The following IQCM variants were observed in gnomAD, a reference collection of about 807,000 sequenced individuals.
The protein encoded by IQCM is IQ domain-containing protein M.
In IQCM, 45 loss-of-function variants were observed where a neutral mutation model predicts 57.6. The ratio of observed to expected loss-of-function variants is 0.78; its 90% CI spans 0.62 to 1.00. The LOEUF (loss-of-function observed/expected upper bound fraction) is 1.00, where lower values mean the gene tolerates loss of function less well. Among genes scored for constraint, IQCM ranks in the 50% least tolerant of loss-of-function variants. The pLI, the probability that IQCM is intolerant of heterozygous loss-of-function variation, is 0.00. For missense variants in IQCM, 468 were observed against 511.6 expected (o/e 0.91, Z 0.82); for synonymous variants, 148 against 158.9 (o/e 0.93, Z 0.51).
chr4:149,688,904 G>A (rs1363573217), intron 5 of IQCM, among the ~76,000 whole-genome samples: 2 of 151,960 alleles, frequency 1.3e-5, no homozygotes, highest in African/African-American at 4.8e-5. Context: ...GCCACATTTA[G>A]GAGAAAAAAA....
At chr4:149,800,047 G>A (rs1450903664) in intron 2 of IQCM, among the ~76,000 whole-genome samples, 4 of 151,230 alleles carry the variant, frequency 2.6e-5, no homozygotes, top group Non-Finnish European at 4.4e-5. Flanking sequence ...TACCAAAAAA[G>A]GAAAACTACA....
chr4:149,668,028 C>G (rs528114447), intron 7 of IQCM, among the ~76,000 whole-genome samples: 12 of 152,184 alleles, frequency 7.9e-5, no homozygotes, highest in African/African-American at 2.9e-4. Flanking sequence ...GGAGAACTTC[C>G]CCAACCTAGC....
chr4:149,636,352 AC>A lies in IQCM; in HGVS notation c.566-15109del, dbSNP rs1757715173. Among the ~76,000 whole-genome samples, 9 of 152,310 alleles carry A rather than the reference AC, an allele frequency of 5.9e-5. No individual in the cohort carries two copies. The South Asian group carries it at 1.9e-3, about 32-fold the overall frequency. ...AGTACAGAATCCTCAGAAGCCCTGGACAAAAGGGGTGTCTGCACTGACTCTC... is the reference window on the plus strand; with the variant it reads ...AGTACAGAATCCTCAGAAGCCCTGGAAAAAGGGGTGTCTGCACTGACTCTC... On this transcript the variant is annotated intron_variant, in intron 7 of 13. Coordinates refer to ENST00000636793, the MANE Select transcript of IQCM (RefSeq NM_001363507.2).
chr4:149,481,105 T>C (rs1203844087), intron 12 of IQCM, among the ~76,000 whole-genome samples: 1 of 152,150 alleles, frequency 6.6e-6, no homozygotes, highest in Non-Finnish European at 1.5e-5. Flanking sequence ...ATTAGATTAT[T>C]AGATTTTTTC....
chr4:149,623,523 ACTC>A (rs1224311492), intron 7 of IQCM, among the ~76,000 whole-genome samples: 3 of 151,994 alleles, frequency 2.0e-5, no homozygotes, highest in Non-Finnish European at 4.4e-5. Context: ...TATGCTAATG[ACTC>A]CTCCTTAGAA....
chr4:149,799,141 G>A (rs1773380005), intron 2 of IQCM, among the ~76,000 whole-genome samples: 1 of 150,530 alleles, frequency 6.6e-6, no homozygotes, highest in Non-Finnish European at 1.5e-5. Context: ...ATAATATCAA[G>A]CATCTTCTCT....
At chr4:149,613,724 C>G (rs1465135401) in intron 8 of IQCM, among the ~76,000 whole-genome samples, 1 of 152,074 alleles carries the variant, frequency 6.6e-6, no homozygotes, top group Non-Finnish European at 1.5e-5. Context: ...CCCCGCTCCC[C>G]CCACCCCACA....
chr4:149,355,752 T>C (rs1198324621), intron 13 of IQCM, among the ~76,000 whole-genome samples: 1 of 152,146 alleles, frequency 6.6e-6, no homozygotes, highest in Non-Finnish European at 1.5e-5. Context: ...CCTTTGGGTA[T>C]ATACCCAGTA....
intron 12 of IQCM, among the ~76,000 whole-genome samples, chr4:149,494,628 T>A (rs1271227537): frequency 6.6e-6 from 1 of 152,078 alleles, no homozygotes; most frequent in Non-Finnish European, 1.5e-5. Flanking sequence ...CCTTCAGCAC[T>A]CCATCTGCAA....
At chr4:149,481,717 T>TTTTG (rs1406214420) in intron 12 of IQCM, among the ~76,000 whole-genome samples, 7 of 136,448 alleles carry the variant, frequency 5.1e-5, no homozygotes, top group Admixed American at 1.4e-4. Flanking sequence ...TTTTTTTTTT[T>TTTTG]TTTTTGCTTT....
At chr4:149,415,163 T>C (rs1441593727) in intron 13 of IQCM, among the ~76,000 whole-genome samples, 1 of 152,200 alleles carries the variant, frequency 6.6e-6, no homozygotes, top group Non-Finnish European at 1.5e-5. Flanking sequence ...TATTTAAAAA[T>C]GCATGTAGAG....
At chr4:149,686,316 G>T in intron 6 of IQCM, 62 bp downstream of exon 6, 1 of 742,676 alleles carries the variant, frequency 1.3e-6, no homozygotes, top group East Asian at 3.4e-5. Context: ...CAATTGGTCA[G>T]GGAATATTGG....
At chr4:149,618,136 A>G (rs1220376769) in intron 8 of IQCM, among the ~76,000 whole-genome samples, 1 of 152,208 alleles carries the variant, frequency 6.6e-6, no homozygotes, top group African/African-American at 2.4e-5. Context: ...AAACAGCGTG[A>G]CATTGGTTCA....
chr4:149,557,924 C>T (rs879849011), intron 10 of IQCM, among the ~76,000 whole-genome samples: 7 of 152,182 alleles, frequency 4.6e-5, no homozygotes, highest in Non-Finnish European at 8.8e-5. Context: ...CTCTAAACTT[C>T]GTAGTGCCTC....
At chr4:149,794,815 C>CTT (rs928113272) in intron 2 of IQCM, among the ~76,000 whole-genome samples, 1 of 151,960 alleles carries the variant, frequency 6.6e-6, no homozygotes, top group Non-Finnish European at 1.5e-5. Context: ...GATATTTCAG[C>CTT]TTTTGTTCTT....
At chr4:149,461,158 A>G (rs1738237599) in intron 12 of IQCM, among the ~76,000 whole-genome samples, 1 of 149,854 alleles carries the variant, frequency 6.7e-6, no homozygotes, top group Admixed American at 6.7e-5. Flanking sequence ...CACTTCAGCC[A>G]GGAGGCAGAC....
At chr4:149,694,529 T>A (rs1220370285) in intron 5 of IQCM, among the ~76,000 whole-genome samples, 1 of 151,660 alleles carries the variant, frequency 6.6e-6, no homozygotes, top group African/African-American at 2.4e-5. Flanking sequence ...AGAATCCCTA[T>A]TTCTCCCCCT....
rs933171446 is a variant in IQCM at position 149,380,455 on chromosome 4, A to G, written c.1391-28389T>C. On this transcript the variant is annotated intron_variant, in intron 13 of 13. Transcript: ENST00000636793. Reference sequence around the variant, plus strand: ...GAAACAAATCTAATTAATTTTAGGAAAATTTTGCTCATAATTATTGTCTAG... The same window carrying G: ...GAAACAAATCTAATTAATTTTAGGAGAATTTTGCTCATAATTATTGTCTAG... Among the ~76,000 whole-genome samples, 3 of 152,088 alleles carry G rather than the reference A, an allele frequency of 2.0e-5. No homozygotes were observed. In the East Asian group the frequency reaches 5.8e-4, roughly 29 times the overall value.
At chr4:149,448,655 T>C (rs1245924425) in intron 12 of IQCM, among the ~76,000 whole-genome samples, 5 of 151,800 alleles carry the variant, frequency 3.3e-5, no homozygotes, top group African/African-American at 1.2e-4. Flanking sequence ...ATGTTATCAC[T>C]ACAGCATCTA....
Sources: allele counts gnomAD v4.1 joint callset (sites outside exome capture counted in the v4.1 genomes callset), GRCh38; gene constraint gnomAD v4.1.1; transcripts MANE v1.5; gene names NCBI Gene and HGNC (gene_info 2026-07-23, HGNC 2026-07-21).